RTN4RL1: variants seen among roughly 807,000 people sequenced by gnomAD.
RTN4RL1 encodes reticulon-4 receptor-like 1.
A neutral mutation model predicts 25.6 loss-of-function variants in RTN4RL1; 7 were observed. The observed-to-expected ratio is 0.27, with a 90% CI of 0.16 to 0.51. The LOEUF (loss-of-function observed/expected upper bound fraction) is 0.51. Ranked by LOEUF, RTN4RL1 falls within the 20% of genes least tolerant of loss-of-function variation. The pLI, the probability that RTN4RL1 is intolerant of heterozygous loss-of-function variation, is 0.97. For missense variants in RTN4RL1, 500 were observed against 615.6 expected (o/e 0.81, Z 1.99); for synonymous variants, 297 against 288.2 (o/e 1.03, Z -0.31).
chr17:1,956,266 C>T (rs1915791084), intron 1 of RTN4RL1, among the ~76,000 whole-genome samples: 1 of 152,170 alleles, frequency 6.6e-6, no homozygotes, highest in Non-Finnish European at 1.5e-5. Flanking sequence ...AAACACCACG[C>T]CCAGATACAA....
At chr17:2,000,646 A>G (rs2066952722) in intron 1 of RTN4RL1, among the ~76,000 whole-genome samples, 1 of 151,858 alleles carries the variant, frequency 6.6e-6, no homozygotes, top group Non-Finnish European at 1.5e-5. Context: ...CAGCCTCCTG[A>G]GTAGCTGGGA....
chr17:1,976,503 G>A (rs539738128), intron 1 of RTN4RL1, among the ~76,000 whole-genome samples: 2 of 152,208 alleles, frequency 1.3e-5, no homozygotes, highest in Admixed American at 6.5e-5. Flanking sequence ...AGAAGGAAAC[G>A]GGACCCACAT....
chr17:1,965,692 G>A (rs1471115789), intron 1 of RTN4RL1, among the ~76,000 whole-genome samples: 1 of 152,108 alleles, frequency 6.6e-6, no homozygotes, highest in Non-Finnish European at 1.5e-5. Flanking sequence ...GGTGGTCTGG[G>A]GCCTCTCCCA....
At chr17:1,997,702 A>G (rs964206224) in intron 1 of RTN4RL1, among the ~76,000 whole-genome samples, 5 of 152,148 alleles carry the variant, frequency 3.3e-5, no homozygotes, top group African/African-American at 1.2e-4. Context: ...GCCTCCCTCT[A>G]GGGCACCCCT....
chr17:1,959,112 G>A (rs550393904), intron 1 of RTN4RL1, among the ~76,000 whole-genome samples: 31 of 152,296 alleles, frequency 2.0e-4, no homozygotes, highest in Middle Eastern at 3.4e-3. Flanking sequence ...TTTTATTTCC[G>A]GGGTGGCCCA....
intron 1 of RTN4RL1, among the ~76,000 whole-genome samples, chr17:1,992,613 G>A (rs547876508): frequency 6.6e-6 from 1 of 152,204 alleles, no homozygotes; most frequent in African/African-American, 2.4e-5. Context: ...CTGTCTCGCG[G>A]GTGGCTGGGA....
At chr17:1,988,416 A>G (rs1198822050) in intron 1 of RTN4RL1, among the ~76,000 whole-genome samples, 1 of 149,734 alleles carries the variant, frequency 6.7e-6, no homozygotes, top group Non-Finnish European at 1.5e-5. Context: ...AAAAAAAAAA[A>G]AAAAAGAAAA....
At chr17:1,960,416 T>A (rs1002601260) in intron 1 of RTN4RL1, among the ~76,000 whole-genome samples, 1 of 151,992 alleles carries the variant, frequency 6.6e-6, no homozygotes, top group Non-Finnish European at 1.5e-5. Flanking sequence ...CCAGCCCACG[T>A]CGCCCTCGTG....
intron 1 of RTN4RL1, among the ~76,000 whole-genome samples, chr17:2,013,457 G>C (rs1487928338): frequency 6.6e-6 from 1 of 152,228 alleles, no homozygotes; most frequent in African/African-American, 2.4e-5. Flanking sequence ...AGCGGAGCTG[G>C]CTTTGCTCAC....
chr17:1,979,876 C>A (rs778491309), intron 1 of RTN4RL1, among the ~76,000 whole-genome samples: 1 of 152,150 alleles, frequency 6.6e-6, no homozygotes, highest in Non-Finnish European at 1.5e-5. Context: ...GTGCTCAGAC[C>A]CGGAATTGCG....
intron 1 of RTN4RL1, among the ~76,000 whole-genome samples, chr17:2,007,374 A>ACACACACACACACACT (rs397809633): frequency 2.1e-5 from 3 of 142,486 alleles, no homozygotes; most frequent in Non-Finnish European, 4.6e-5. Flanking sequence ...ACACACACAC[A>ACACACACACACACACT]CTCTTCCTCT....
At chr17:1,999,285 A>G (rs2066945408) in intron 1 of RTN4RL1, among the ~76,000 whole-genome samples, 1 of 151,792 alleles carries the variant, frequency 6.6e-6, no homozygotes, top group South Asian at 2.1e-4. Context: ...GTCTCTACCA[A>G]GAATACAAAA....
At chr17:1,961,168 G>C (rs576169949) in intron 1 of RTN4RL1, among the ~76,000 whole-genome samples, 1 of 152,146 alleles carries the variant, frequency 6.6e-6, no homozygotes, top group Non-Finnish European at 1.5e-5. Context: ...TCAAGCACTC[G>C]GATGAAGCCA....
chr17:1,969,383 C>T (rs1014965979), intron 1 of RTN4RL1, among the ~76,000 whole-genome samples: 2 of 152,090 alleles, frequency 1.3e-5, no homozygotes, highest in Non-Finnish European at 2.9e-5. Context: ...GCAAACAATC[C>T]GAGAAGCCAA....
chr17:1,983,961 C>T (rs1249204694), intron 1 of RTN4RL1, among the ~76,000 whole-genome samples: 1 of 152,150 alleles, frequency 6.6e-6, no homozygotes, highest in Non-Finnish European at 1.5e-5. Flanking sequence ...AGCTGGTTTC[C>T]CCTGGTAGAA....
At position 1,937,513 on chromosome 17, in the gene RTN4RL1, C is replaced by T; in HGVS notation, c.309G>A (p.Glu103=). 1 of 1,613,974 alleles carries T rather than the reference C, an allele frequency of 6.2e-7. No individual in the cohort carries two copies. The highest frequency in any genetic ancestry group is 2.2e-5 in the East Asian group (1 of 44,872). ...GCCGGTTGTCGCCGAGGTCCAGCTC[C>T]TCCAGGTGCACGAAGCCCTCGAAGG... ...PSTFEGFVHL[E]ELDLGDNRQL... Residue 103 remains glutamate, a synonymous_variant, in exon 2 of 2, where the codon GAG becomes GAA. Transcript: ENST00000331238.
At chr17:1,968,960 A>G (rs2066805483) in intron 1 of RTN4RL1, among the ~76,000 whole-genome samples, 1 of 151,904 alleles carries the variant, frequency 6.6e-6, no homozygotes, top group Admixed American at 6.6e-5. Context: ...GTCTGCAGCA[A>G]CCAGCCCAGG....
At chr17:1,999,089 CGCG>C (rs2151321569) in intron 1 of RTN4RL1, among the ~76,000 whole-genome samples, 1 of 75,192 alleles carries the variant, frequency 1.3e-5, no homozygotes, top group Admixed American at 1.7e-4. Context: ...CAGACACATG[CGCG>C]ATCACACACA....
At position 1,999,880 on chromosome 17, in the gene RTN4RL1, C is replaced by T. The variant is rs553864481; in HGVS notation, c.13+24973G>A. ...CACGGCCTTGCCTCTTCTCGCCTCT[C>T]CTCTCCTGTCTAGGGCCCAGAGCAG... On this transcript the variant is annotated intron_variant, in intron 1 of 1. Transcript: ENST00000331238. Among the ~76,000 whole-genome samples the T allele has an allele frequency of 8.5e-5, 13 of 152,382 alleles. No individual in the cohort carries two copies. The South Asian group carries it at 1.0e-3, about 12-fold the overall frequency.
Sources: gnomAD v4.1 joint callset for allele counts (sites outside exome capture counted in the v4.1 genomes callset) on GRCh38, gnomAD v4.1.1 for gene constraint, MANE v1.5 for transcripts, NCBI Gene and HGNC (gene_info 2026-07-23, HGNC 2026-07-21) for gene names.